The following ADAM12 variants were observed in gnomAD, a reference collection of about 807,000 sequenced individuals.
ADAM12 encodes disintegrin and metalloproteinase domain-containing protein 12.
In ADAM12, 70 loss-of-function variants were observed where a neutral mutation model predicts 106.4. That is an observed-to-expected ratio of 0.66 (90% CI 0.54 to 0.80). The LOEUF is 0.80. ADAM12 is among the 30% of genes least tolerant of loss of function. ADAM12 has a pLI of 0.00. For missense variants in ADAM12, 1,010 were observed against 1,171.9 expected (o/e 0.86, Z 2.02); for synonymous variants, 420 against 433.5 (o/e 0.97, Z 0.39).
At chr10:126,076,114 G>T (rs1955095360) in intron 11 of ADAM12, among the ~76,000 whole-genome samples, 1 of 152,088 alleles carries the variant, frequency 6.6e-6, no homozygotes, top group Non-Finnish European at 1.5e-5. Flanking sequence ...AGTGTCTGTT[G>T]TACTCATCTT....
chr10:126,048,134 C>G (rs1039817984), intron 16 of ADAM12, among the ~76,000 whole-genome samples: 2 of 152,046 alleles, frequency 1.3e-5, no homozygotes, highest in African/African-American at 4.8e-5. Context: ...ACACACTGGG[C>G]CTATCAGAGA....
intron 14 of ADAM12, among the ~76,000 whole-genome samples, chr10:126,051,644 GCCAGCCAGCCGGCCACCCATCCAT>G (rs1954505076): frequency 6.8e-6 from 1 of 147,966 alleles, no homozygotes; most frequent in Non-Finnish European, 1.5e-5. Context: ...CATCCATCCA[GCCAGCCAGCCGGCCACCCATCCAT>G]CCAGCCAGCC....
rs894801744 is a variant in ADAM12, at chr10:126,113,434, C to T, written c.604-3594G>A. 8.6e-5 allele frequency among the ~76,000 whole-genome samples: 13 copies of T among 151,186 alleles called. No individual in the cohort carries two copies. In the East Asian group the frequency reaches 9.8e-4, roughly 11 times the overall value. On this transcript the variant is annotated intron_variant, in intron 6 of 22. Transcript: ENST00000448723. ...CAGCACTTTGGGAGGCTGAGGTGGG[C>T]GAATCCCTCGCGGTCAGGAGTTCAA...
At chr10:126,120,651 G>T (rs1956068024) in intron 5 of ADAM12, among the ~76,000 whole-genome samples, 1 of 151,828 alleles carries the variant, frequency 6.6e-6, no homozygotes, top group Admixed American at 6.6e-5. Context: ...TTCATCCTGT[G>T]CTTTTGGAGA....
intron 2 of ADAM12, among the ~76,000 whole-genome samples, chr10:126,321,561 CTT>C (rs1269501631): frequency 6.6e-6 from 1 of 152,140 alleles, no homozygotes; most frequent in Admixed American, 6.5e-5. Context: ...GCTTTCTCCT[CTT>C]TGTGTGTTGG....
chr10:126,168,105 G>A (rs1449386329), intron 3 of ADAM12, among the ~76,000 whole-genome samples: 6 of 152,188 alleles, frequency 3.9e-5, no homozygotes, highest in Non-Finnish European at 8.8e-5. Context: ...TGAACCTCAT[G>A]TACAAAAATA....
chr10:126,041,906 T>G, intron 18 of ADAM12: 2 of 1,408,674 alleles, frequency 1.4e-6, no homozygotes, highest in Non-Finnish European at 1.8e-6. Flanking sequence ...TGTCCATGTT[T>G]TAGCAGAAGC....
intron 1 of ADAM12, among the ~76,000 whole-genome samples, chr10:126,345,041 C>T (rs1225889364): frequency 6.6e-6 from 1 of 152,150 alleles, no homozygotes; most frequent in Non-Finnish European, 1.5e-5. Context: ...ATTGCCCTGG[C>T]CAGAACTTCC....
intron 2 of ADAM12, among the ~76,000 whole-genome samples, chr10:126,281,235 A>T (rs1003255355): frequency 6.6e-6 from 1 of 152,098 alleles, no homozygotes; most frequent in Admixed American, 6.5e-5. Context: ...CAAACACACC[A>T]TATGTATGTA....
chr10:126,050,627 T>A (rs1393243615), intron 14 of ADAM12, among the ~76,000 whole-genome samples: 6 of 152,234 alleles, frequency 3.9e-5, no homozygotes, highest in African/African-American at 1.4e-4. Flanking sequence ...GAGGCTTTGC[T>A]TTCCAAGGTG....
At chr10:126,056,235 C>G (rs1447321783) in intron 14 of ADAM12, among the ~76,000 whole-genome samples, 1 of 152,216 alleles carries the variant, frequency 6.6e-6, no homozygotes, top group East Asian at 1.9e-4. Context: ...CCATATCATA[C>G]TTTACCACTG....
intron 4 of ADAM12, among the ~76,000 whole-genome samples, chr10:126,148,314 G>A (rs1201949103): frequency 2.0e-5 from 3 of 152,176 alleles, no homozygotes; most frequent in Non-Finnish European, 4.4e-5. Context: ...GCTGACTTGA[G>A]CAGAAGAGGA....
At chr10:126,321,624 A>G (rs995983278) in intron 2 of ADAM12, among the ~76,000 whole-genome samples, 3 of 152,162 alleles carry the variant, frequency 2.0e-5, no homozygotes, top group African/African-American at 4.8e-5. Flanking sequence ...TTGGGATGCA[A>G]CAATCACATC....
chr10:126,229,900 C>T (rs1227090753), intron 3 of ADAM12, among the ~76,000 whole-genome samples: 1 of 152,000 alleles, frequency 6.6e-6, no homozygotes, highest in African/African-American at 2.4e-5. Flanking sequence ...CCCTTGTGAC[C>T]TGGCCGCTGC....
intron 1 of ADAM12, among the ~76,000 whole-genome samples, 169 bp downstream of exon 1, chr10:126,387,889 T>TGGG (rs548403267): frequency 7.3e-4 from 61 of 83,606 alleles, no homozygotes; most frequent in East Asian, 1.7e-3. Context: ...AATTGGCACC[T>TGGG]GGGGGGGGGG....
chr10:126,149,036 G>A (rs550124524), intron 4 of ADAM12, among the ~76,000 whole-genome samples: 8 of 152,300 alleles, frequency 5.3e-5, no homozygotes, highest in African/African-American at 1.9e-4. Flanking sequence ...GATTTTCAGG[G>A]CCTGTCTCCT....
intron 17 of ADAM12, among the ~76,000 whole-genome samples, chr10:126,044,475 G>T (rs1056940369): frequency 6.6e-6 from 1 of 152,126 alleles, no homozygotes; most frequent in East Asian, 1.9e-4. Flanking sequence ...TCCACAAAAA[G>T]AAACGAACTA....
chr10:126,182,380 C>T (rs987152320), intron 3 of ADAM12, among the ~76,000 whole-genome samples: 25 of 151,598 alleles, frequency 1.6e-4, no homozygotes, highest in African/African-American at 6.1e-4. Context: ...TTTCCTTAAC[C>T]AGGGACCAAG....
intron 4 of ADAM12, among the ~76,000 whole-genome samples, chr10:126,149,706 C>A (rs1956695428): frequency 6.6e-6 from 1 of 152,202 alleles, no homozygotes; most frequent in Non-Finnish European, 1.5e-5. Context: ...TGCCCTTGAA[C>A]ATCGGACTTC....
Sources: allele counts gnomAD v4.1 joint callset (sites outside exome capture counted in the v4.1 genomes callset), GRCh38; gene constraint gnomAD v4.1.1; transcripts MANE v1.5; gene names NCBI Gene and HGNC (gene_info 2026-07-23, HGNC 2026-07-21).